The following VSTM2B variants were observed in gnomAD, a reference collection of about 807,000 sequenced individuals.
VSTM2B encodes V-set and transmembrane domain containing 2B, also known as V-set and transmembrane domain-containing protein 2B.
In VSTM2B, 24 loss-of-function variants were observed where a neutral mutation model predicts 24.0. The observed-to-expected ratio is 1.00, with a 90% CI of 0.72 to 1.40. The LOEUF is 1.40. Among genes scored for constraint, VSTM2B ranks in the 40% most tolerant of loss-of-function variants. The pLI is 0.00. For synonymous variants in VSTM2B, 226 were observed against 194.4 expected (o/e 1.16, Z -1.35); for missense variants, 399 against 416.4 (o/e 0.96, Z 0.36).
chr19:29,540,797 G>C (rs891260236), intron 4 of VSTM2B, among the ~76,000 whole-genome samples: 4 of 152,232 alleles, frequency 2.6e-5, no homozygotes, highest in Non-Finnish European at 5.9e-5. Context: ...TGATCAAATA[G>C]TCACATAGCA....
rs753977165 is a variant in VSTM2B at position 29,527,324 on chromosome 19, T to G, written c.196T>G (p.Trp66Gly). ...CTCGTATTCGCTGGAGATTCAGTGG[T>G]GGTACCTCAAGGAGCCACCCCGGGA... ...ATSYSLEIQW[W>G]YLKEPPRELL... Residue 66 changes from tryptophan (W) to glycine (G), a missense_variant, in exon 2 of 5, where the codon TGG becomes GGG. By Grantham distance (184) the Trp-to-Gly change is radical. Coordinates refer to ENST00000335523, the MANE Select transcript of VSTM2B (RefSeq NM_001146339.2). 6.5e-7 allele frequency: 1 copy of G among 1,549,850 alleles called. No homozygotes were observed. The highest frequency in any genetic ancestry group is 1.2e-5 in the South Asian group (1 of 83,940).
At chr19:29,542,515 G>C (rs1970046099) in intron 4 of VSTM2B, among the ~76,000 whole-genome samples, 1 of 151,820 alleles carries the variant, frequency 6.6e-6, no homozygotes, top group Non-Finnish European at 1.5e-5. Context: ...ATAGGTAGAT[G>C]GATGGGAGAA....
chr19:29,541,127 GGTCAAAC>G (rs1430779237), intron 4 of VSTM2B, among the ~76,000 whole-genome samples: 2 of 152,198 alleles, frequency 1.3e-5, no homozygotes, highest in Non-Finnish European at 2.9e-5. Context: ...AGAGTTTACT[GGTCAAAC>G]AGGGTCAAAC....
At chr19:29,538,809 C>T (rs1969956092) in intron 4 of VSTM2B, among the ~76,000 whole-genome samples, 1 of 152,098 alleles carries the variant, frequency 6.6e-6, no homozygotes, top group Admixed American at 6.5e-5. Flanking sequence ...GGAACTCACC[C>T]ATTACCTCAT....
chr19:29,530,031 C>T lies in VSTM2B; in HGVS notation c.510C>T (p.Gly170=), dbSNP rs776400235. 1.6e-5 allele frequency: 25 copies of T among 1,529,360 alleles called. No homozygotes were observed. The African/African-American group carries it at 2.8e-4, about 17-fold the overall frequency. The allele number at this position is 1,529,360 out of a possible 1,614,324, so 94.7% of individuals were successfully genotyped here. A position where few individuals can be genotyped will look rare whatever the true frequency, so the allele number is the denominator to read the frequency against. Residue 170 remains glycine, a synonymous_variant, in exon 4 of 5, where the codon GGC becomes GGT. Coordinates refer to ENST00000335523, the MANE Select transcript of VSTM2B (RefSeq NM_001146339.2). ...AEAVSHIQSS[G]PRRHGPASAA... ...CCGTGTCCCACATCCAGAGCAGCGG[C>T]CCGCGTCGCCACGGCCCAGCCAGCG...
At chr19:29,548,633 G>A (rs1970203326) in intron 4 of VSTM2B, among the ~76,000 whole-genome samples, 1 of 152,170 alleles carries the variant, frequency 6.6e-6, no homozygotes, top group Admixed American at 6.5e-5. Context: ...CTGCGTCCAG[G>A]GGAGAGCTGG....
intron 4 of VSTM2B, among the ~76,000 whole-genome samples, chr19:29,540,638 G>A (rs916673400): frequency 6.6e-6 from 1 of 152,162 alleles, no homozygotes; most frequent in Admixed American, 6.5e-5. Flanking sequence ...CATTGGACTT[G>A]GTACTAGTTC....
In VSTM2B at chr19:29,556,806, C is replaced by T. The variant is rs576307992; in HGVS notation, c.770-7040C>T. On this transcript the variant is annotated intron_variant, in intron 4 of 4. Transcript: ENST00000335523. ...AATTGTTTCAAAGGGAATCAAATAC[C>T]TAGGAATACAGCTGACAAGAGAAGT... Among the ~76,000 whole-genome samples, 24 of 152,234 alleles carry T rather than the reference C, an allele frequency of 1.6e-4. 1 individual carries two copies. The South Asian group carries it at 5.0e-3, about 32-fold the overall frequency.
chr19:29,535,783 G>A (rs1183960726), intron 4 of VSTM2B, among the ~76,000 whole-genome samples: 1 of 152,132 alleles, frequency 6.6e-6, no homozygotes, highest in Non-Finnish European at 1.5e-5. Flanking sequence ...GTCACCAGCA[G>A]TACCAGCAGG....
chr19:29,544,694 G>C (rs1305761154), intron 4 of VSTM2B, among the ~76,000 whole-genome samples: 1 of 152,130 alleles, frequency 6.6e-6, no homozygotes, highest in African/African-American at 2.4e-5. Context: ...AAGCTGGAAG[G>C]TGAGGTCAAG....
intron 4 of VSTM2B, among the ~76,000 whole-genome samples, chr19:29,550,802 T>C (rs534101854): frequency 6.6e-5 from 10 of 151,338 alleles, no homozygotes; most frequent in Non-Finnish European, 1.5e-4. Context: ...CAAATGTGTC[T>C]TCATTTTACT....
In VSTM2B at chr19:29,550,790, C is replaced by T. The variant is rs779283735; in HGVS notation, c.770-13056C>T. ...TCCATTTTTGTGTGTAGAGCCAGAC[C>T]TCAAATGTGTCTTCATTTTACTTAC... On this transcript the variant is annotated intron_variant, in intron 4 of 4. Coordinates refer to ENST00000335523, the MANE Select transcript of VSTM2B (RefSeq NM_001146339.2). Among the ~76,000 whole-genome samples, 99 of 151,726 alleles carry T rather than the reference C, an allele frequency of 6.5e-4. 1 individual carries two copies. The highest frequency in any genetic ancestry group is 1.2e-3 in the Non-Finnish European group (84 of 67,944).
At position 29,546,738 on chromosome 19, in the gene VSTM2B, G is replaced by C. The variant is rs543708202; in HGVS notation, c.769+16448G>C. ...CGGCCCCCTCTGACAGCAGCTGCCT[G>C]ACCACAGAGTAAAGGCCTGTTTGCC... is the stretch of plus-strand genomic sequence containing the variant. On this transcript the variant is annotated intron_variant, in intron 4 of 4. Transcript: ENST00000335523. 1.9e-4 allele frequency among the ~76,000 whole-genome samples: 28 copies of C among 151,200 alleles called. No homozygotes were observed. In the South Asian group the frequency reaches 5.8e-3, roughly 31 times the overall value.
At chr19:29,542,912 T>G (rs990230080) in intron 4 of VSTM2B, among the ~76,000 whole-genome samples, 12 of 152,144 alleles carry the variant, frequency 7.9e-5, no homozygotes, top group Non-Finnish European at 1.8e-4. Context: ...CAGAATTCCA[T>G]GCCATTCCAT....
chr19:29,545,545 G>A (rs1970134049), intron 4 of VSTM2B, among the ~76,000 whole-genome samples: 2 of 152,170 alleles, frequency 1.3e-5, no homozygotes, highest in Non-Finnish European at 2.9e-5. Flanking sequence ...CCTGGGAGGT[G>A]GAGGTTGCAG....
At position 29,563,951 on chromosome 19, in the gene VSTM2B, G is replaced by C. The variant is rs142289093; in HGVS notation, c.*17G>C. 2.3e-5 allele frequency: 36 copies of C among 1,550,844 alleles called. No homozygotes were observed. The highest frequency in any genetic ancestry group is 2.7e-5 in the Non-Finnish European group (31 of 1,146,038). ...GGACATTGACAGACAAGACCAACCC[G>C]AGCATCTCAGAGGCCGCACATGACC... is the stretch of plus-strand genomic sequence containing the variant. On this transcript the variant is annotated 3_prime_UTR_variant, in exon 5 of 5. Coordinates refer to ENST00000335523, the MANE Select transcript of VSTM2B (RefSeq NM_001146339.2).
rs1969603623 is a variant in VSTM2B at position 29,527,276 on chromosome 19, G to A, written c.148G>A (p.Ala50Thr). Residue 50 changes from alanine (A) to threonine (T), a missense_variant, in exon 2 of 5, where the codon GCG (alanine) becomes ACG (threonine). Transcript: ENST00000335523. ...REGDDIEMPC[A>T]FRASGATSYS... ...GGGAGACGACATCGAAATGCCCTGC[G>A]CGTTCCGGGCCAGCGGAGCCACCTC... The A allele has an allele frequency of 6.5e-7, 1 of 1,550,338 alleles. No individual in the cohort carries two copies. The highest frequency in any genetic ancestry group is 1.2e-5 in the South Asian group (1 of 83,982).
At chr19:29,547,383 C>T (rs945329463) in intron 4 of VSTM2B, among the ~76,000 whole-genome samples, 1 of 152,154 alleles carries the variant, frequency 6.6e-6, no homozygotes, top group Non-Finnish European at 1.5e-5. Flanking sequence ...TTGAATTTAA[C>T]GTAGGTCACA....
Position 29,526,699 on chromosome 19 carries a change from C to T in VSTM2B, c.82+34C>T, listed in dbSNP as rs1247889519. 6.6e-7 allele frequency: 1 copy of T among 1,510,038 alleles called. No individual in the cohort carries two copies. The allele number at this position is 1,510,038 out of a possible 1,614,324, so 93.5% of individuals were successfully genotyped here. ...GGGAACTTTGCTGCCGCTGTGGACT[C>T]GGGGGGGTCTTTGCTGGGGCCGCCA... On this transcript the variant is annotated intron_variant, in intron 1 of 4. Transcript: ENST00000335523. This position sits in a 1 kb window ranked among gnomAD's most constrained non-coding sequence, Gnocchi z 4.1.
Sources: allele counts gnomAD v4.1 joint callset (sites outside exome capture counted in the v4.1 genomes callset), GRCh38; gene constraint gnomAD v4.1.1; non-coding constraint Gnocchi (gnomAD v3.1); transcripts MANE v1.5; gene names NCBI Gene and HGNC (gene_info 2026-07-23, HGNC 2026-07-21).